Variants in MEGF10 observed in about 807,000 individuals in gnomAD.
The protein encoded by MEGF10 is multiple EGF like domains 10.
In MEGF10, 86 loss-of-function variants were observed where a neutral mutation model predicts 147.5. The ratio of observed to expected loss-of-function variants is 0.58; its 90% CI spans 0.49 to 0.70. The LOEUF (loss-of-function observed/expected upper bound fraction) is 0.70. MEGF10 is among the 30% of genes least tolerant of loss of function. The pLI is 0.00. For synonymous variants in MEGF10, 478 were observed against 525.5 expected, an observed-to-expected ratio of 0.91 and a Z score of 1.24; for missense variants, 1,329 against 1,487.3, an observed-to-expected ratio of 0.89 and a Z score of 1.75.
At chr5:127,391,094 GCGCGCGCGCACACACACACA>G (rs769561596) in intron 5 of MEGF10, among the ~76,000 whole-genome samples, 1 of 24,420 alleles carries the variant, frequency 4.1e-5, no homozygotes, top group Admixed American at 3.4e-4. Flanking sequence ...ACATGCGCGC[GCGCGCGCGCACACACACACA>G]CACACACACA....
intron 22 of MEGF10, among the ~76,000 whole-genome samples, chr5:127,449,431 C>T (rs529967936): frequency 1.3e-5 from 2 of 152,288 alleles, no homozygotes; most frequent in East Asian, 3.9e-4. Flanking sequence ...CTACTATGTG[C>T]CAGGAATTGA....
intron 9 of MEGF10, among the ~76,000 whole-genome samples, chr5:127,416,512 T>A (rs1406753255): frequency 6.6e-6 from 1 of 152,188 alleles, no homozygotes; most frequent in Non-Finnish European, 1.5e-5. Context: ...ACCTTATATG[T>A]AGAGCTGTAC....
chr5:127,230,722 G>T, the MEGF10 span, among the ~76,000 whole-genome samples: 3 of 152,188 alleles, frequency 2.0e-5, no homozygotes, highest in Admixed American at 1.3e-4. Flanking sequence ...GGGAGACTGA[G>T]GCACGTGGAA....
upstream of MEGF10, among the ~76,000 whole-genome samples, chr5:127,286,467 T>C (rs1759032771): frequency 6.6e-6 from 1 of 152,000 alleles, no homozygotes; most frequent in Non-Finnish European, 1.5e-5. Flanking sequence ...CCTAAAAAAT[T>C]CCCTGAAATT....
chr5:127,437,513 C>A (rs939699231), intron 16 of MEGF10, among the ~76,000 whole-genome samples: 1 of 152,006 alleles, frequency 6.6e-6, no homozygotes, highest in African/African-American at 2.4e-5. Context: ...ATGGGGTAGC[C>A]GTATAGAAAT....
chr5:127,335,526 C>A (rs1187477436), intron 2 of MEGF10, among the ~76,000 whole-genome samples: 1 of 152,112 alleles, frequency 6.6e-6, no homozygotes, highest in African/African-American at 2.4e-5. Flanking sequence ...TCAAACACAT[C>A]GCTTCCAGAA....
intron 1 of MEGF10, among the ~76,000 whole-genome samples, chr5:127,324,892 T>A (rs1760945085): frequency 6.6e-6 from 1 of 152,214 alleles, no homozygotes. Flanking sequence ...CTCTTTGCCT[T>A]GTGGCCCCTC....
chr5:127,242,327 T>C, the MEGF10 span, among the ~76,000 whole-genome samples: 1 of 152,186 alleles, frequency 6.6e-6, no homozygotes, highest in Non-Finnish European at 1.5e-5. Flanking sequence ...TTAAGACTTC[T>C]TACATTGGGA....
chr5:127,375,370 G>C (rs746846118), intron 5 of MEGF10, among the ~76,000 whole-genome samples: 1 of 152,204 alleles, frequency 6.6e-6, no homozygotes, highest in Non-Finnish European at 1.5e-5. Flanking sequence ...CAAACAGTCA[G>C]TGTTCCTGGC....
At chr5:127,391,102 G>GCGCGCGCGCA (rs1426600414) in intron 5 of MEGF10, among the ~76,000 whole-genome samples, 2 of 53,892 alleles carry the variant, frequency 3.7e-5, no homozygotes, top group East Asian at 3.7e-4. Flanking sequence ...GCGCGCGCGC[G>GCGCGCGCGCA]CACACACACA....
chr5:127,233,468 G>A, the MEGF10 span, among the ~76,000 whole-genome samples: 147,865 of 152,306 alleles, frequency 0.97, 71,829 homozygotes, highest in Middle Eastern at 1. Context: ...TTCTGCCACA[G>A]ACTTCCCTGA....
chr5:127,280,998 T>C, the MEGF10 span, among the ~76,000 whole-genome samples: 1 of 152,266 alleles, frequency 6.6e-6, no homozygotes, highest in South Asian at 2.1e-4. Flanking sequence ...GAGAATTCTT[T>C]TGGCAGCTCA....
chr5:127,454,858 C>T (rs1275025942), intron 23 of MEGF10, among the ~76,000 whole-genome samples: 1 of 152,088 alleles, frequency 6.6e-6, no homozygotes, highest in Admixed American at 6.5e-5. Context: ...ACTCATATTT[C>T]ATTTAAAAGA....
chr5:127,280,856 G>A, the MEGF10 span, among the ~76,000 whole-genome samples: 8 of 152,290 alleles, frequency 5.3e-5, no homozygotes, highest in East Asian at 1.5e-3. Context: ...AGCTTTCCTC[G>A]CAGGAGAGAA....
intron 2 of MEGF10, among the ~76,000 whole-genome samples, chr5:127,336,195 T>C (rs1761462581): frequency 6.6e-6 from 1 of 151,736 alleles, no homozygotes; most frequent in African/African-American, 2.4e-5. Flanking sequence ...GTCAGTTCTG[T>C]ACTGGGTTTG....
intron 8 of MEGF10, among the ~76,000 whole-genome samples, chr5:127,403,890 G>A (rs919579710): frequency 1.3e-5 from 2 of 152,156 alleles, no homozygotes; most frequent in African/African-American, 4.8e-5. Context: ...TGTAAACAGT[G>A]CTGCAACAAA....
chr5:127,339,219 C>A lies in MEGF10; in HGVS notation c.216C>A (p.His72Gln). The A allele has an allele frequency of 1.2e-6, 2 of 1,607,216 alleles. No individual in the cohort carries two copies. Among genetic ancestry groups the A allele is most frequent in the African/African-American group, 2.7e-5 (2 of 74,770 alleles). Residue 72 changes from histidine to glutamine, a missense_variant and splice_region_variant, in exon 3 of 25, where the codon CAC (histidine) becomes CAA (glutamine). Physicochemically the swap from His to Gln is conservative, Grantham distance 24. Transcript: ENST00000503335. ...DILNWFKCTR[H>Q]RVSYRTAYRH... Reference sequence around the variant, plus strand: ...TAAACTGGTTTAAATGCACGCGGCACAGGTAATAGAAGCTCAGGCATGTTT... The same window carrying A: ...TAAACTGGTTTAAATGCACGCGGCAAAGGTAATAGAAGCTCAGGCATGTTT...
the MEGF10 span, among the ~76,000 whole-genome samples, chr5:127,282,734 T>C: frequency 6.6e-6 from 1 of 152,236 alleles, no homozygotes; most frequent in Non-Finnish European, 1.5e-5. Flanking sequence ...CCCACTTTTC[T>C]GTGCTTCTGG....
Position 127,420,151 on chromosome 5 carries a change from G to A in MEGF10, c.1534G>A (p.Gly512Arg), listed in dbSNP as rs758236594. Reference protein sequence around the residue: ...LNGGACNTLDGTCTCAPGWRG... With the variant: ...LNGGACNTLDRTCTCAPGWRG... ...CGGGGGAGCCTGCAACACCCTGGACGGGACCTGCACGTGTGCACCTGGATG... is the reference window on the plus strand; with the variant it reads ...CGGGGGAGCCTGCAACACCCTGGACAGGACCTGCACGTGTGCACCTGGATG... The change falls in exon 12 of 25, where the codon GGG becomes AGG. Residue 512 changes from glycine (G) to arginine (R), a missense_variant. Gly to Arg is a moderately radical substitution (Grantham distance 125). This residue lies in a region of MEGF10 where 980 missense variants were observed against 1,085.9 expected (regional missense o/e 0.90). Transcript: ENST00000503335. 10 of 1,614,188 alleles carry A rather than the reference G, an allele frequency of 6.2e-6. No individual in the cohort carries two copies. Among genetic ancestry groups the A allele is most frequent in the South Asian group, 1.1e-5 (1 of 91,084 alleles).
Sources: allele counts gnomAD v4.1 joint callset (sites outside exome capture counted in the v4.1 genomes callset), GRCh38; gene constraint gnomAD v4.1.1; regional missense constraint gnomAD v4.1.1; transcripts MANE v1.5; gene names NCBI Gene and HGNC (gene_info 2026-07-23, HGNC 2026-07-21).